The following EFNA5 variants were observed in gnomAD, a reference collection of about 807,000 sequenced individuals.
The protein encoded by EFNA5 is ephrin A5.
In EFNA5, 5 loss-of-function variants were observed where a neutral mutation model predicts 22.9. The observed-to-expected ratio is 0.22, with a 90% CI of 0.11 to 0.46. EFNA5 has a LOEUF of 0.46. EFNA5 is among the 20% of genes least tolerant of loss of function. The pLI, the probability that EFNA5 is intolerant of heterozygous loss-of-function variation, is 0.99. For missense variants in EFNA5, 237 were observed against 293.3 expected (o/e 0.81, Z 1.40); for synonymous variants, 113 against 112.2 (o/e 1.01, Z -0.04).
chr5:107,530,911 A>C (rs2112451648), intron 1 of EFNA5, among the ~76,000 whole-genome samples: 1 of 152,328 alleles, frequency 6.6e-6, no homozygotes, highest in Non-Finnish European at 1.5e-5. Context: ...CCTCTCCTGT[A>C]AAGAAGTATC....
rs1297294597 is a variant in EFNA5, at chr5:107,631,456, A to G, written c.125+39033T>C. Among the ~76,000 whole-genome samples the G allele has an allele frequency of 3.3e-5, 5 of 152,256 alleles. No individual in the cohort carries two copies. The East Asian group carries it at 9.6e-4, about 29-fold the overall frequency. On this transcript the variant is annotated intron_variant, in intron 1 of 4. Coordinates refer to ENST00000333274, the MANE Select transcript of EFNA5 (RefSeq NM_001962.3). ...ACAATATACAAATTTTGCCTATGGT[A>G]AAACTAAAAGAGTATCCTTGTAGAC...
At chr5:107,403,057 A>G (rs972724785) in intron 2 of EFNA5, among the ~76,000 whole-genome samples, 4 of 152,212 alleles carry the variant, frequency 2.6e-5, no homozygotes, top group Admixed American at 6.5e-5. Flanking sequence ...CAGGGGGGGA[A>G]GTGCCACAGC....
intron 1 of EFNA5, among the ~76,000 whole-genome samples, chr5:107,539,965 A>G (rs1748012367): frequency 6.6e-6 from 1 of 152,138 alleles, no homozygotes; most frequent in Non-Finnish European, 1.5e-5. Context: ...GCCTCAAACT[A>G]CATGTAGGGA....
chr5:107,556,790 A>AAAT (rs142616864), intron 1 of EFNA5, among the ~76,000 whole-genome samples: 3 of 140,602 alleles, frequency 2.1e-5, no homozygotes, highest in South Asian at 4.5e-4. Context: ...ATAAATAAAT[A>AAAT]AAATAAAATA....
intron 1 of EFNA5, among the ~76,000 whole-genome samples, chr5:107,460,895 A>C (rs1749821225): frequency 6.6e-6 from 1 of 152,182 alleles, no homozygotes; most frequent in Non-Finnish European, 1.5e-5. Context: ...CTTTAGAAGA[A>C]TATCCTAGGA....
chr5:107,580,091 T>A (rs140789074), intron 1 of EFNA5, among the ~76,000 whole-genome samples: 2 of 152,222 alleles, frequency 1.3e-5, no homozygotes, highest in Admixed American at 1.3e-4. Context: ...ATCACACTTT[T>A]AAGGGTGCTT....
At chr5:107,595,648 G>A (rs1012842016) in intron 1 of EFNA5, among the ~76,000 whole-genome samples, 1 of 152,204 alleles carries the variant, frequency 6.6e-6, no homozygotes, top group Non-Finnish European at 1.5e-5. Context: ...CATCTGAGTA[G>A]CTTCCCTGCA....
intron 1 of EFNA5, among the ~76,000 whole-genome samples, chr5:107,477,626 G>A (rs1003392638): frequency 3.3e-5 from 5 of 151,906 alleles, no homozygotes; most frequent in African/African-American, 1.2e-4. Flanking sequence ...TTTCTTTTGG[G>A]TAACCTGATA....
At chr5:107,498,586 G>A (rs150928265) in intron 1 of EFNA5, among the ~76,000 whole-genome samples, 16 of 152,116 alleles carry the variant, frequency 1.1e-4, no homozygotes, top group Admixed American at 1.0e-3. Flanking sequence ...ATCACACATC[G>A]CCTCGGCTCA....
intron 1 of EFNA5, among the ~76,000 whole-genome samples, chr5:107,582,112 G>A (rs555318082): frequency 1.5e-4 from 23 of 152,230 alleles, no homozygotes; most frequent in African/African-American, 4.6e-4. Context: ...ACAAAAAAGA[G>A]ACTGAAGACT....
In EFNA5 at chr5:107,605,141, G is replaced by A. The variant is rs1015612536; in HGVS notation, c.125+65348C>T. Among the ~76,000 whole-genome samples the A allele has an allele frequency of 7.9e-5, 12 of 151,914 alleles. 1 individual carries two copies. The highest frequency in any genetic ancestry group is 3.3e-4 in the Admixed American group (5 of 15,250). On this transcript the variant is annotated intron_variant, in intron 1 of 4. Coordinates refer to ENST00000333274, the MANE Select transcript of EFNA5 (RefSeq NM_001962.3). Reference sequence around the variant, plus strand: ...GTGCCGCTGCAAGATTTAAAAGCTCGGGGGTGGGGATGGGGGGGGAAGCAG... The same window carrying A: ...GTGCCGCTGCAAGATTTAAAAGCTCAGGGGTGGGGATGGGGGGGGAAGCAG...
chr5:107,620,430 G>A (rs1750010384), intron 1 of EFNA5, among the ~76,000 whole-genome samples: 1 of 152,160 alleles, frequency 6.6e-6, no homozygotes, highest in South Asian at 2.1e-4. Flanking sequence ...TTTTGCCTAA[G>A]TCTATACATA....
At chr5:107,456,986 T>C (rs1019946312) in intron 1 of EFNA5, among the ~76,000 whole-genome samples, 2 of 152,106 alleles carry the variant, frequency 1.3e-5, no homozygotes, top group African/African-American at 4.8e-5. Flanking sequence ...GTGTTCTTAG[T>C]GGGGAGGAGT....
intron 2 of EFNA5, among the ~76,000 whole-genome samples, chr5:107,408,452 C>A (rs915028400): frequency 2.6e-5 from 4 of 152,136 alleles, no homozygotes; most frequent in African/African-American, 9.7e-5. Context: ...AAAAGAACTC[C>A]ATTTTTGTAA....
rs145479346 is a variant in EFNA5 at position 107,411,819 on chromosome 5, GC to G, written c.418+15397del. On this transcript the variant is annotated intron_variant, in intron 2 of 4. Transcript: ENST00000333274. ...CAGGCTGGGCTCGAGCGACTCTCCT[GC>G]CTTGGCTTCCTAAAGCACTGGAATT... Among the ~76,000 whole-genome samples, 81 of 152,298 alleles carry G rather than the reference GC, an allele frequency of 5.3e-4. 1 individual carries two copies. The East Asian group carries it at 0.014, about 27-fold the overall frequency.
chr5:107,390,335 C>T (rs748930759), intron 2 of EFNA5, among the ~76,000 whole-genome samples: 1 of 152,072 alleles, frequency 6.6e-6, no homozygotes, highest in Non-Finnish European at 1.5e-5. Flanking sequence ...TTTATACCAA[C>T]TAAAAAATAC....
At chr5:107,585,487 AT>A (rs1749166017) in intron 1 of EFNA5, among the ~76,000 whole-genome samples, 1 of 152,224 alleles carries the variant, frequency 6.6e-6, no homozygotes, top group Non-Finnish European at 1.5e-5. Flanking sequence ...GACAGTACTG[AT>A]AAATTCTAAA....
intron 1 of EFNA5, among the ~76,000 whole-genome samples, chr5:107,639,595 A>G (rs749954141): frequency 4.6e-5 from 7 of 152,194 alleles, no homozygotes; most frequent in Non-Finnish European, 1.0e-4. Context: ...TCTTAAGGCT[A>G]TTGTGCAGAC....
At chr5:107,398,598 G>A (rs1454594761) in intron 2 of EFNA5, among the ~76,000 whole-genome samples, 1 of 152,056 alleles carries the variant, frequency 6.6e-6, no homozygotes, top group Non-Finnish European at 1.5e-5. Context: ...TGTAATCCCA[G>A]CATTCGGGAA....
Sources: gnomAD v4.1 joint callset for allele counts (sites outside exome capture counted in the v4.1 genomes callset) on GRCh38, gnomAD v4.1.1 for gene constraint, MANE v1.5 for transcripts, NCBI Gene and HGNC (gene_info 2026-07-23, HGNC 2026-07-21) for gene names.